Variants in MELK observed in about 807,000 individuals in gnomAD.
MELK encodes the protein pEg3 kinase.
In MELK, 81 loss-of-function variants were observed where a neutral mutation model predicts 85.0. That is an observed-to-expected ratio of 0.95 (90% CI 0.80 to 1.15). MELK has a LOEUF of 1.15. MELK is among the 50% of genes most tolerant of loss of function. The pLI, the probability that MELK is intolerant of heterozygous loss-of-function variation, is 0.00. For synonymous variants in MELK, 252 were observed against 265.0 expected (o/e 0.95, Z 0.48); for missense variants, 754 against 777.5 (o/e 0.97, Z 0.36).
chr9:36,677,145 T>C lies in MELK; in HGVS notation c.1779-15T>C, dbSNP rs201822585. The C allele has an allele frequency of 4.1e-4, 665 of 1,606,388 alleles. 2 individuals are homozygous for C. The African/African-American group carries it at 7.3e-3, about 18-fold the overall frequency. On this transcript the variant is annotated splice_polypyrimidine_tract_variant and intron_variant, in intron 17 of 17. Coordinates refer to ENST00000298048, the MANE Select transcript of MELK (RefSeq NM_014791.4). The stretch of plus-strand genomic sequence containing the variant: ...GGTTCTCCTACTAACTAGCTTCTTA[T>C]CTTGTTTTTCACAGTTATACACTGA...
chr9:36,600,415 A>G (rs531992493), intron 7 of MELK, among the ~76,000 whole-genome samples: 1 of 151,238 alleles, frequency 6.6e-6, no homozygotes, highest in Non-Finnish European at 1.5e-5. Flanking sequence ...ATGGAGTCTC[A>G]CTCTGTTGCC....
chr9:36,670,953 C>T (rs1188163129), intron 15 of MELK, 45 bp from the exon 16 acceptor site: 15 of 1,555,940 alleles, frequency 9.6e-6, no homozygotes, highest in South Asian at 3.8e-5. Flanking sequence ...CCCCACAGGC[C>T]GGAGGCCCAG....
At chr9:36,655,782 G>A (rs1281061755) in intron 12 of MELK, among the ~76,000 whole-genome samples, 2 of 152,164 alleles carry the variant, frequency 1.3e-5, no homozygotes, top group East Asian at 3.8e-4. Context: ...AGCTCTCCAT[G>A]CATCCAGTTC....
intron 8 of MELK, 118 bp from the exon 9 acceptor site, chr9:36,630,178 CCAA>C (rs1828390224): frequency 1.3e-6 from 1 of 742,110 alleles, no homozygotes; most frequent in Non-Finnish European, 2.3e-6. Context: ...ATAATGTTTA[CCAA>C]GTATTGTAGT....
intron 5 of MELK, among the ~76,000 whole-genome samples, chr9:36,596,077 A>G (rs558266729): frequency 2.0e-5 from 3 of 152,252 alleles, no homozygotes; most frequent in East Asian, 3.9e-4. Flanking sequence ...TGGCCTTCCA[A>G]AGTGCTGGGA....
intron 3 of MELK, among the ~76,000 whole-genome samples, chr9:36,585,341 T>C (rs1237185179): frequency 3.5e-5 from 5 of 142,474 alleles, no homozygotes; most frequent in African/African-American, 1.3e-4. Flanking sequence ...GGAGTCTTGC[T>C]CTGTCACCAG....
intron 6 of MELK, among the ~76,000 whole-genome samples, chr9:36,597,699 TAACA>T (rs1293643966): frequency 6.6e-6 from 1 of 152,252 alleles, no homozygotes; most frequent in Non-Finnish European, 1.5e-5. Context: ...GTTCTATAAC[TAACA>T]ATTAGTTACA....
intron 9 of MELK, among the ~76,000 whole-genome samples, chr9:36,632,430 T>C (rs1337052754): frequency 6.6e-6 from 1 of 152,244 alleles, no homozygotes; most frequent in East Asian, 1.9e-4. Context: ...TATGAGTATC[T>C]TCTTAGTGCA....
Position 36,572,933 on chromosome 9 carries a change from C to T in MELK, c.-113C>T, listed in dbSNP as rs919153790. On this transcript the variant is annotated 5_prime_UTR_variant, in exon 1 of 18. Transcript: ENST00000298048. ...CGAAAAGATTCTTAGGAACGCCGTA[C>T]CAGCCGCGTCTCTCAGGACAGCAGG... The T allele has an allele frequency of 1.3e-5, 2 of 152,104 alleles. No homozygotes were observed. The highest frequency in any genetic ancestry group is 6.5e-5 in the Admixed American group (1 of 15,280). 9.4% of individuals were successfully genotyped at this position (152,104 alleles called of 1,614,324 possible). A position where few individuals can be genotyped will look rare whatever the true frequency, so the allele number is the denominator to read the frequency against.
At chr9:36,592,567 A>ATG (rs199919799) in intron 4 of MELK, among the ~76,000 whole-genome samples, 92 of 151,936 alleles carry the variant, frequency 6.1e-4, no homozygotes, top group Middle Eastern at 3.4e-3. Flanking sequence ...TGTATTTTAT[A>ATG]TGTGTGTGTG....
chr9:36,630,477 T>G, intron 9 of MELK, 110 bp downstream of exon 9: 1 of 840,428 alleles, frequency 1.2e-6, no homozygotes, highest in South Asian at 1.5e-5. Flanking sequence ...ATCCCACTCA[T>G]ATCTACCTTG....
chr9:36,645,086 C>T (rs1264086419), intron 11 of MELK, among the ~76,000 whole-genome samples: 7 of 151,708 alleles, frequency 4.6e-5, no homozygotes, highest in South Asian at 4.2e-4. Flanking sequence ...GGTGAAACCG[C>T]GTTTCTACTA....
At chr9:36,649,577 T>C (rs2137162029) in intron 11 of MELK, among the ~76,000 whole-genome samples, 1 of 152,150 alleles carries the variant, frequency 6.6e-6, no homozygotes, top group East Asian at 1.9e-4. Context: ...GAGACCAGCC[T>C]GGACAACATG....
Position 36,572,917 on chromosome 9 carries a change from T to C in MELK, c.-129T>C, listed in dbSNP as rs1821231562. On this transcript the variant is annotated 5_prime_UTR_variant, in exon 1 of 18. Transcript: ENST00000298048. Reference sequence around the variant, plus strand: ...GCCACAACCCGGCGATCGAAAAGATTCTTAGGAACGCCGTACCAGCCGCGT... The same window carrying C: ...GCCACAACCCGGCGATCGAAAAGATCCTTAGGAACGCCGTACCAGCCGCGT... 6.6e-6 allele frequency: 1 copy of C among 152,066 alleles called. No individual in the cohort carries two copies. The highest frequency in any genetic ancestry group is 2.1e-4 in the South Asian group (1 of 4,826). 9.4% of individuals were successfully genotyped at this position (152,066 alleles called of 1,614,324 possible).
In MELK at chr9:36,583,708, T is replaced by C. The variant is rs966272252; in HGVS notation, c.140T>C (p.Leu47Pro). Residue 47 changes from leucine (L) to proline (P), a missense_variant, in exon 3 of 18, where the codon CTA becomes CCA. Coordinates refer to ENST00000298048, the MANE Select transcript of MELK (RefSeq NM_014791.4). ...VAIKIMDKNT[L>P]GSDLPRIKTE... Reference sequence around the variant, plus strand: ...ATAAAAATCATGGATAAAAACACACTAGGGGTAAGTTTAGATTTATTTAAA... The same window carrying C: ...ATAAAAATCATGGATAAAAACACACCAGGGGTAAGTTTAGATTTATTTAAA... 5 of 1,599,616 alleles carry C rather than the reference T, an allele frequency of 3.1e-6. No homozygotes were observed. In the African/African-American group the frequency reaches 5.4e-5, roughly 17 times the overall value.
intron 11 of MELK, among the ~76,000 whole-genome samples, chr9:36,648,432 A>T (rs1163104498): frequency 1.3e-5 from 2 of 152,206 alleles, no homozygotes; most frequent in East Asian, 3.9e-4. Context: ...GATGGGTTAG[A>T]ACCCTAGATT....
chr9:36,633,307 T>A (rs1393525659), intron 10 of MELK, 107 bp downstream of exon 10: 3 of 767,280 alleles, frequency 3.9e-6, no homozygotes, highest in Non-Finnish European at 6.2e-6. Flanking sequence ...AATATATTAA[T>A]CAGATTGGTG....
At chr9:36,665,749 A>G (rs1832278741) in intron 14 of MELK, among the ~76,000 whole-genome samples, 168 bp downstream of exon 14, 1 of 152,216 alleles carries the variant, frequency 6.6e-6, no homozygotes, top group African/African-American at 2.4e-5. Flanking sequence ...CATATTTGTC[A>G]ATTTCAATTT....
intron 10 of MELK, among the ~76,000 whole-genome samples, chr9:36,634,869 C>A (rs1828972530): frequency 6.6e-6 from 1 of 151,568 alleles, no homozygotes; most frequent in Admixed American, 6.6e-5. Context: ...TGGTGGCACA[C>A]ACCTGTAATC....
Sources: gnomAD v4.1 joint callset for allele counts (sites outside exome capture counted in the v4.1 genomes callset) on GRCh38, gnomAD v4.1.1 for gene constraint, MANE v1.5 for transcripts, NCBI Gene and HGNC (gene_info 2026-07-23, HGNC 2026-07-21) for gene names.